TEAD3: variants seen among roughly 807,000 people sequenced by gnomAD.
TEAD3 encodes the protein transcriptional enhancer factor TEF-5.
A neutral mutation model predicts 55.6 loss-of-function variants in TEAD3; 15 were observed. The observed-to-expected ratio is 0.27, with a 90% CI of 0.18 to 0.42. The LOEUF is 0.42. Ranked by LOEUF, TEAD3 falls within the 10% of genes least tolerant of loss-of-function variation. The pLI, the probability that TEAD3 is intolerant of heterozygous loss-of-function variation, is 1.00. For synonymous variants in TEAD3, 210 were observed against 232.2 expected (o/e 0.90, Z 0.87); for missense variants, 407 against 576.8 (o/e 0.71, Z 3.01).
chr6:35,486,539 T>C lies in TEAD3; in HGVS notation c.124A>G (p.Ser42Gly). 6.2e-7 allele frequency: 1 copy of C among 1,613,640 alleles called. No homozygotes were observed. The highest frequency in any genetic ancestry group is 8.5e-7 in the Non-Finnish European group (1 of 1,179,792). ...TAGATGGCCAGGGCCTCCTGGAAGC[T>C]CTGCTCGATGTCCGGGCTCCACACG... The change falls in exon 2 of 13, where the codon AGC (serine) becomes GGC (glycine). Residue 42 changes from serine (S) to glycine (G), a missense_variant. Coordinates refer to ENST00000639578, the Ensembl canonical transcript of TEAD3. The surrounding 1 kb of genome is among the most constrained non-coding windows in gnomAD (Gnocchi z 7.3).
At chr6:35,487,116 T>C (rs1211320182) in intron 1 of TEAD3, among the ~76,000 whole-genome samples, 3 of 152,194 alleles carry the variant, frequency 2.0e-5, no homozygotes, top group South Asian at 2.1e-4. Context: ...CATTTTCATA[T>C]TCATTCAAAC....
rs370631325 is a variant in TEAD3 at position 35,486,477 on chromosome 6, G to A, written c.186C>T (p.Asp62=). The A allele has an allele frequency of 8.5e-5, 137 of 1,613,066 alleles. No individual in the cohort carries two copies. The African/African-American group carries it at 1.5e-3, about 18-fold the overall frequency. Residue 62 remains aspartate, a synonymous_variant, in exon 2 of 13, where the codon GAC becomes GAT. Transcript: ENST00000639578. This position sits in a 1 kb window ranked among gnomAD's most constrained non-coding sequence, Gnocchi z 7.3. ...GGCACGCACCGTACATCTTGCCCTC[G>A]TCTGACAGGATGATCTTCCGCCGGC...
intron 1 of TEAD3, among the ~76,000 whole-genome samples, chr6:35,494,770 G>C (rs1405774918): frequency 1.3e-5 from 2 of 152,082 alleles, no homozygotes; most frequent in Non-Finnish European, 2.9e-5. Context: ...CACCCAAGCG[G>C]CCTCTGAGCA....
chr6:35,475,696 T>A lies in TEAD3; in HGVS notation c.911A>T (p.Asn304Ile). ...TCCCGGGCCCTCCTGGATGGTGCTGTTGAGGTCGGCCTGGGCATGGGGGTG... is the reference window on the plus strand; with the variant it reads ...TCCCGGGCCCTCCTGGATGGTGCTGATGAGGTCGGCCTGGGCATGGGGGTG... Residue 304 changes from asparagine (N) to isoleucine (I), a missense_variant, in exon 11 of 13, where the codon AAC becomes ATC. By Grantham distance (149) the Asn-to-Ile change is moderately radical. Transcript: ENST00000639578. This position sits in a 1 kb window ranked among gnomAD's most constrained non-coding sequence, Gnocchi z 5.4. 6.3e-7 allele frequency: 1 copy of A among 1,598,760 alleles called. No homozygotes were observed. Among genetic ancestry groups the A allele is most frequent in the Non-Finnish European group, 8.5e-7 (1 of 1,171,426 alleles).
intron 1 of TEAD3, among the ~76,000 whole-genome samples, chr6:35,490,627 TG>T (rs1281005442): frequency 6.6e-6 from 1 of 152,112 alleles, no homozygotes; most frequent in African/African-American, 2.4e-5. Context: ...TGCCCCCGTC[TG>T]GGGGCTGGAC....
At position 35,475,796 on chromosome 6, in the gene TEAD3, T is replaced by G. The variant is rs2076170; in HGVS notation, c.901-90A>C. On this transcript the variant is annotated intron_variant, in intron 10 of 12. Transcript: ENST00000639578. The surrounding 1 kb of genome is among the most constrained non-coding windows in gnomAD (Gnocchi z 5.4). ...TCAGAGTCCTGCCCAAGGATCCATC[T>G]CTGGCACTCTGCCCACAAGCCATGA... The G allele has an allele frequency of 0.56, 837,190 of 1,508,276 alleles. 239,479 individuals are homozygous for G. Among genetic ancestry groups the G allele is most frequent in the Admixed American group, 0.62 (28,233 of 45,730 alleles). 93.4% of individuals were successfully genotyped at this position (1,508,276 alleles called of 1,614,324 possible).
At chr6:35,494,080 C>T (rs1378970515) in intron 1 of TEAD3, among the ~76,000 whole-genome samples, 3 of 152,204 alleles carry the variant, frequency 2.0e-5, no homozygotes. Flanking sequence ...TGCATACACC[C>T]AGCCCTGCAC....
intron 1 of TEAD3, among the ~76,000 whole-genome samples, chr6:35,495,508 G>A (rs1354962262): frequency 6.6e-6 from 1 of 152,148 alleles, no homozygotes; most frequent in Non-Finnish European, 1.5e-5. Context: ...GGCCCCTGAA[G>A]TTACCCTTAC....
At chr6:35,495,566 G>A (rs1372360013) in intron 1 of TEAD3, among the ~76,000 whole-genome samples, 1 of 152,132 alleles carries the variant, frequency 6.6e-6, no homozygotes, top group Non-Finnish European at 1.5e-5. Flanking sequence ...CACTGGGTGA[G>A]CAGGGACCCA....
At chr6:35,489,628 G>A (rs192500779) in intron 1 of TEAD3, among the ~76,000 whole-genome samples, 12 of 152,266 alleles carry the variant, frequency 7.9e-5, no homozygotes, top group Non-Finnish European at 1.6e-4. Flanking sequence ...GGGGCCAGAT[G>A]CCCTCATTCC....
intron 1 of TEAD3, among the ~76,000 whole-genome samples, chr6:35,493,365 C>G (rs1419890691): frequency 6.6e-6 from 1 of 152,110 alleles, no homozygotes; most frequent in Non-Finnish European, 1.5e-5. Context: ...TCCCACAGAG[C>G]CTCCTACACG....
Position 35,475,488 on chromosome 6 carries a change from T to C in TEAD3, c.1042A>G (p.Thr348Ala). Residue 348 changes from threonine to alanine, a missense_variant and splice_region_variant, in exon 12 of 13, where the codon ACT becomes GCT. Coordinates refer to ENST00000639578, the Ensembl canonical transcript of TEAD3. This position sits in a 1 kb window ranked among gnomAD's most constrained non-coding sequence, Gnocchi z 5.4. ...CCGTTCTCCAGCCTGGCATACTCAG[T>C]CTGCAGAGAATATGGAGAAGGCGTC... 6.2e-7 allele frequency: 1 copy of C among 1,611,710 alleles called. No homozygotes were observed. The highest frequency in any genetic ancestry group is 8.5e-7 in the Non-Finnish European group (1 of 1,178,150).
chr6:35,486,418 A>T lies in TEAD3; in HGVS notation c.202+43T>A. ...CCGGTTGGGTGAGAGGGCAGAGAGC[A>T]GGGGGAAGGGCCGCAGTCCCGCCCG... On this transcript the variant is annotated intron_variant, in intron 2 of 12. Coordinates refer to ENST00000639578, the Ensembl canonical transcript of TEAD3. This position sits in a 1 kb window ranked among gnomAD's most constrained non-coding sequence, Gnocchi z 7.3. The T allele has an allele frequency of 6.3e-7, 1 of 1,579,748 alleles. No individual in the cohort carries two copies. The highest frequency in any genetic ancestry group is 8.6e-7 in the Non-Finnish European group (1 of 1,159,364).
chr6:35,480,485 T>C, intron 3 of TEAD3, 111 bp from the exon 4 acceptor site: 1 of 1,088,248 alleles, frequency 9.2e-7, no homozygotes, highest in Non-Finnish European at 1.4e-6. Context: ...TCTAGGGAAC[T>C]ACATGTAAAT....
rs1297332179 is a variant in TEAD3 at position 35,485,415 on chromosome 6, G to A, written c.203-791C>T. 6.6e-6 allele frequency among the ~76,000 whole-genome samples: 1 copy of A among 152,124 alleles called. No homozygotes were observed. Among genetic ancestry groups the A allele is most frequent in the Non-Finnish European group, 1.5e-5 (1 of 68,012 alleles). ...TTGGGCCTGAAAGGGGGATGCCTGG[G>A]CCACACGGCTGAGCCCAAGTCAGCA... On this transcript the variant is annotated intron_variant, in intron 2 of 12. Coordinates refer to ENST00000639578, the Ensembl canonical transcript of TEAD3. The surrounding 1 kb of genome is among the most constrained non-coding windows in gnomAD (Gnocchi z 4.3).
At position 35,475,953 on chromosome 6, in the gene TEAD3, C is replaced by G; in HGVS notation, c.866G>C (p.Gly289Ala). The G allele has an allele frequency of 6.5e-7, 1 of 1,547,178 alleles. No homozygotes were observed. Among genetic ancestry groups the G allele is most frequent in the Non-Finnish European group, 8.7e-7 (1 of 1,149,338 alleles). The change falls in exon 10 of 13, where the codon GGG becomes GCG. Residue 289 changes from glycine to alanine, a missense_variant. By Grantham distance (60) the Gly-to-Ala change is moderately conservative (BLOSUM62 0). Transcript: ENST00000639578. The surrounding 1 kb of genome is among the most constrained non-coding windows in gnomAD (Gnocchi z 5.4). ...GACAAGGAAGAAGGCATTAGGGGGC[C>G]CCTTCTCATAGAGCTCCTTCAATCC... is the stretch of plus-strand genomic sequence containing the variant.
intron 7 of TEAD3, 78 bp downstream of exon 7, chr6:35,478,197 C>T: frequency 6.4e-7 from 1 of 1,570,504 alleles, no homozygotes; most frequent in Non-Finnish European, 8.7e-7. Flanking sequence ...TCAGCTGTTG[C>T]TGGAGCCCAA....
chr6:35,476,565 G>T, intron 8 of TEAD3, 130 bp from the exon 9 acceptor site: 2 of 1,111,340 alleles, frequency 1.8e-6, no homozygotes, highest in Non-Finnish European at 2.6e-6. Context: ...CCTACTATGT[G>T]TCCTTGTACA....
At chr6:35,479,966 C>G in intron 4 of TEAD3, 1 of 1,149,056 alleles carries the variant, frequency 8.7e-7, no homozygotes, top group South Asian at 1.3e-5. Context: ...CTTCTCAGCC[C>G]CTTGCCTGTC....
Sources: allele counts gnomAD v4.1 joint callset (sites outside exome capture counted in the v4.1 genomes callset), GRCh38; gene constraint gnomAD v4.1.1; non-coding constraint Gnocchi (gnomAD v3.1); transcripts MANE v1.5; gene names NCBI Gene and HGNC (gene_info 2026-07-23, HGNC 2026-07-21).